The following REDIC1 variants were observed in gnomAD, a reference collection of about 807,000 sequenced individuals.
REDIC1 encodes HEI10 Interacting Protein 1.
the REDIC1 span, among the ~76,000 whole-genome samples, chr12:39,812,342 C>CTTTTCTTTTCTT: frequency 4.7e-5 from 2 of 42,970 alleles, no homozygotes; most frequent in Non-Finnish European, 1.2e-4. Context: ...TTTCTTTTTT[C>CTTTTCTTTTCTT]TTTTCTTTTC....
At chr12:39,887,475 A>AT in the REDIC1 span, among the ~76,000 whole-genome samples, 1 of 152,326 alleles carries the variant, frequency 6.6e-6, no homozygotes, top group East Asian at 1.9e-4. Context: ...AATGTAAAAA[A>AT]GGGACTTTTC....
At chr12:39,820,036 TATA>T in the REDIC1 span, among the ~76,000 whole-genome samples, 4 of 152,112 alleles carry the variant, frequency 2.6e-5, no homozygotes, top group Non-Finnish European at 4.4e-5. Flanking sequence ...AATAATTAAA[TATA>T]ATATTAATAT....
the REDIC1 span, among the ~76,000 whole-genome samples, chr12:39,898,866 T>C: frequency 6.6e-6 from 1 of 152,176 alleles, no homozygotes; most frequent in African/African-American, 2.4e-5. Flanking sequence ...TAGCATGTTC[T>C]TCACCCTTGT....
chr12:39,871,225 T>TA, the REDIC1 span, among the ~76,000 whole-genome samples: 6 of 151,980 alleles, frequency 3.9e-5, no homozygotes, highest in African/African-American at 1.2e-4. Flanking sequence ...ACTTGGGAAT[T>TA]AAAAAAAAGG....
chr12:39,661,132 G>C, the REDIC1 span, among the ~76,000 whole-genome samples: 3 of 152,018 alleles, frequency 2.0e-5, no homozygotes, highest in Admixed American at 6.6e-5. Context: ...TGCATATATT[G>C]TTTTGATAGA....
At chr12:39,814,810 T>A in the REDIC1 span, among the ~76,000 whole-genome samples, 1 of 152,226 alleles carries the variant, frequency 6.6e-6, no homozygotes, top group Non-Finnish European at 1.5e-5. Context: ...TTATCACAAT[T>A]ATGCATATGT....
chr12:39,900,361 T>C, the REDIC1 span, among the ~76,000 whole-genome samples: 9 of 151,994 alleles, frequency 5.9e-5, no homozygotes, highest in Non-Finnish European at 1.2e-4. Flanking sequence ...CAGAAAGAAA[T>C]AAAGGGGATT....
At chr12:39,810,097 G>T in the REDIC1 span, among the ~76,000 whole-genome samples, 2 of 152,146 alleles carry the variant, frequency 1.3e-5, no homozygotes, top group African/African-American at 4.8e-5. Flanking sequence ...CTTCCACAAT[G>T]GTTGGACTAG....
At chr12:39,712,404 A>G in the REDIC1 span, among the ~76,000 whole-genome samples, 1 of 134,966 alleles carries the variant, frequency 7.4e-6, no homozygotes, top group African/African-American at 2.6e-5. Context: ...GTATGTATAT[A>G]TACATACGTA....
chr12:39,877,287 G>A, the REDIC1 span, among the ~76,000 whole-genome samples: 1 of 152,130 alleles, frequency 6.6e-6, no homozygotes, highest in Admixed American at 6.5e-5. Context: ...GGAGAGCAAA[G>A]GTATGTCTTA....
At chr12:39,657,927 C>A in the REDIC1 span, among the ~76,000 whole-genome samples, 4 of 151,646 alleles carry the variant, frequency 2.6e-5, no homozygotes, top group Non-Finnish European at 5.9e-5. Context: ...ATTTCCTCTG[C>A]GTTTTCTAGT....
chr12:39,895,616 A>ATATACGTATACACATATGTATATGCGTG, the REDIC1 span, among the ~76,000 whole-genome samples: 9 of 69,614 alleles, frequency 1.3e-4, 3 homozygotes, highest in African/African-American at 3.4e-4. Context: ...ATATACACAT[A>ATATACGTATACACATATGTATATGCGTG]TATACGTACA....
At chr12:39,721,214 A>T in the REDIC1 span, 1 of 1,613,420 alleles carries the variant, frequency 6.2e-7, no homozygotes. Context: ...ATTAAGGCAG[A>T]TACCACTGGA....
chr12:39,728,935 G>C, the REDIC1 span, among the ~76,000 whole-genome samples: 3 of 151,980 alleles, frequency 2.0e-5, no homozygotes, highest in Non-Finnish European at 4.4e-5. Context: ...AGATTTTCTA[G>C]TTATATCTGC....
chr12:39,848,376 C>A, the REDIC1 span, among the ~76,000 whole-genome samples: 1 of 152,224 alleles, frequency 6.6e-6, no homozygotes, highest in East Asian at 1.9e-4. Context: ...CATGAACAGA[C>A]ACCTCTCAAA....
the REDIC1 span, among the ~76,000 whole-genome samples, chr12:39,872,389 T>A: frequency 6.6e-6 from 1 of 152,158 alleles, no homozygotes; most frequent in Admixed American, 6.5e-5. Flanking sequence ...CATAAGAGAA[T>A]GTAATATAGT....
At chr12:39,844,892 A>G in the REDIC1 span, among the ~76,000 whole-genome samples, 345 of 152,236 alleles carry the variant, frequency 2.3e-3, 1 homozygote, top group African/African-American at 7.5e-3. Flanking sequence ...CCAACAGAAT[A>G]CGCTTTAGAA....
chr12:39,831,618 C>T, the REDIC1 span, among the ~76,000 whole-genome samples: 112 of 152,118 alleles, frequency 7.4e-4, no homozygotes, highest in African/African-American at 2.5e-3. Context: ...ATTGTAATCC[C>T]CAAAGTTGGA....
the REDIC1 span, among the ~76,000 whole-genome samples, chr12:39,718,872 T>G: frequency 6.6e-6 from 1 of 152,160 alleles, no homozygotes; most frequent in African/African-American, 2.4e-5. Context: ...TTGCTGGCAT[T>G]AAATTCTCCA....
Sources: allele counts gnomAD v4.1 joint callset (sites outside exome capture counted in the v4.1 genomes callset), GRCh38; gene constraint gnomAD v4.1.1; transcripts MANE v1.5; gene names NCBI Gene and HGNC (gene_info 2026-07-23, HGNC 2026-07-21).